ERBB4: variants seen among roughly 807,000 people sequenced by gnomAD.
ERBB4 encodes receptor tyrosine-protein kinase erbB-4.
A neutral mutation model predicts 158.0 loss-of-function variants in ERBB4; 42 were observed. The observed-to-expected ratio is 0.27, with a 90% CI of 0.21 to 0.34. ERBB4 has a LOEUF of 0.34. Among genes scored for constraint, ERBB4 ranks in the 10% least tolerant of loss-of-function variants. The pLI is 1.00. For synonymous variants in ERBB4, 583 were observed against 558.7 expected (o/e 1.04, Z -0.61); for missense variants, 1,333 against 1,624.1 (o/e 0.82, Z 3.08).
chr2:212,246,585 A>G (rs1036101952), intron 1 of ERBB4, among the ~76,000 whole-genome samples: 2 of 152,198 alleles, frequency 1.3e-5, no homozygotes, highest in Admixed American at 6.5e-5. Flanking sequence ...AGTTAGAAAG[A>G]GATGTCATGA....
intron 1 of ERBB4, among the ~76,000 whole-genome samples, chr2:212,189,400 T>C (rs1218159110): frequency 6.6e-6 from 1 of 152,210 alleles, no homozygotes; most frequent in Admixed American, 6.5e-5. Context: ...ATTCCTGGTG[T>C]CATTTTATTT....
intron 4 of ERBB4, among the ~76,000 whole-genome samples, chr2:211,781,109 A>T (rs2076025082): frequency 6.6e-6 from 1 of 152,160 alleles, no homozygotes; most frequent in Admixed American, 6.5e-5. Flanking sequence ...CATCTATTTT[A>T]CCTAAATATT....
rs559595147 is a variant in ERBB4 at position 212,185,043 on chromosome 2, CAG to C, written c.83-60142_83-60141del. ...TTTCTTTTTTTTTTTTCTTTTGAGACAGAGTCTCACTCTGTTGCCCAGGCTGG... is the reference window on the plus strand; with the variant it reads ...TTTCTTTTTTTTTTTTCTTTTGAGACAGTCTCACTCTGTTGCCCAGGCTGG... On this transcript the variant is annotated intron_variant, in intron 1 of 27. Transcript: ENST00000342788. Among the ~76,000 whole-genome samples, 38 of 93,124 alleles carry C rather than the reference CAG, an allele frequency of 4.1e-4. No individual in the cohort carries two copies. In the South Asian group the frequency reaches 8.9e-3, roughly 22 times the overall value. 61.1% of individuals were successfully genotyped at this position (93,124 alleles called of 152,430 possible). A position where few individuals can be genotyped will look rare whatever the true frequency, so the allele number is the denominator to read the frequency against.
intron 20 of ERBB4, among the ~76,000 whole-genome samples, chr2:211,523,325 T>C (rs765198415): frequency 2.7e-5 from 4 of 149,662 alleles, no homozygotes; most frequent in East Asian, 2.0e-4. Flanking sequence ...TAGAAATCTA[T>C]GTGCTTGGGA....
At chr2:211,930,773 T>C (rs1187125028) in intron 3 of ERBB4, among the ~76,000 whole-genome samples, 1 of 152,166 alleles carries the variant, frequency 6.6e-6, no homozygotes, top group Non-Finnish European at 1.5e-5. Flanking sequence ...GTTATCAAAA[T>C]ATTCTTAATG....
At chr2:211,932,973 C>A (rs149885677) in intron 3 of ERBB4, among the ~76,000 whole-genome samples, 5,328 of 151,926 alleles carry the variant, frequency 0.035, 128 homozygotes, top group Middle Eastern at 0.088. Flanking sequence ...ATACATAAAA[C>A]GATTGAATAG....
chr2:211,674,304 A>C (rs1345460245), intron 13 of ERBB4, among the ~76,000 whole-genome samples: 4 of 152,156 alleles, frequency 2.6e-5, no homozygotes, highest in Non-Finnish European at 5.9e-5. Flanking sequence ...TAAGTGATAC[A>C]TTAAAATATA....
chr2:212,010,361 G>T (rs180690244), intron 2 of ERBB4, among the ~76,000 whole-genome samples: 21 of 152,192 alleles, frequency 1.4e-4, no homozygotes, highest in African/African-American at 4.6e-4. Flanking sequence ...CAAGAGTATT[G>T]TAATTATTAT....
chr2:211,558,813 T>C (rs1016692752), intron 20 of ERBB4, among the ~76,000 whole-genome samples: 2 of 152,156 alleles, frequency 1.3e-5, no homozygotes, highest in Non-Finnish European at 2.9e-5. Flanking sequence ...TAGATTTTGT[T>C]ATTTTCTTGG....
intron 1 of ERBB4, among the ~76,000 whole-genome samples, chr2:212,341,035 CATGT>C (rs2088685034): frequency 6.6e-6 from 1 of 151,978 alleles, no homozygotes; most frequent in Non-Finnish European, 1.5e-5. Flanking sequence ...ACTATGGCTC[CATGT>C]GTGTTATTTA....
chr2:211,550,580 T>TATATATATATATATATAA (rs1446012861), intron 20 of ERBB4, among the ~76,000 whole-genome samples: 1 of 145,812 alleles, frequency 6.9e-6, no homozygotes, highest in Non-Finnish European at 1.5e-5. Flanking sequence ...TTAGAATATA[T>TATATATATATATATATAA]ATATATATAT....
chr2:211,618,049 T>C (rs2069459814), intron 19 of ERBB4, among the ~76,000 whole-genome samples: 1 of 152,074 alleles, frequency 6.6e-6, no homozygotes, highest in African/African-American at 2.4e-5. Context: ...ATCTTCAAGT[T>C]CTGATTGACC....
intron 20 of ERBB4, among the ~76,000 whole-genome samples, chr2:211,541,751 A>C (rs2066815532): frequency 6.6e-6 from 1 of 152,014 alleles, no homozygotes; most frequent in Non-Finnish European, 1.5e-5. Context: ...ACATTTCATC[A>C]GTGCTATCAT....
intron 1 of ERBB4, among the ~76,000 whole-genome samples, chr2:212,381,751 T>C (rs1255604808): frequency 6.6e-6 from 1 of 151,378 alleles, no homozygotes; most frequent in Non-Finnish European, 1.5e-5. Flanking sequence ...AATAAATTTA[T>C]TCATAAATGC....
At position 212,321,754 on chromosome 2, in the gene ERBB4, T is replaced by C. The variant is rs762540468; in HGVS notation, c.83-196851A>G. 8.0e-5 allele frequency among the ~76,000 whole-genome samples: 12 copies of C among 150,170 alleles called. 1 individual carries two copies. Among genetic ancestry groups the C allele is most frequent in the Non-Finnish European group, 1.5e-4 (10 of 66,950 alleles). On this transcript the variant is annotated intron_variant, in intron 1 of 27. Transcript: ENST00000342788. ...CCTGTATCTTTGCTAATAGCTAGAC[T>C]TAAATTTGAGAATCTTTGAAGTACA...
At chr2:212,248,184 G>T (rs531631103) in intron 1 of ERBB4, among the ~76,000 whole-genome samples, 59 of 152,024 alleles carry the variant, frequency 3.9e-4, no homozygotes, top group Non-Finnish European at 7.9e-4. Flanking sequence ...TTTAATGAAA[G>T]AAATATGTGT....
Position 212,033,445 on chromosome 2 carries a change from T to C in ERBB4, c.235-85829A>G, listed in dbSNP as rs1234248169. On this transcript the variant is annotated intron_variant, in intron 2 of 27. Coordinates refer to ENST00000342788, the MANE Select transcript of ERBB4 (RefSeq NM_005235.3). Reference sequence around the variant, plus strand: ...GATAAACAATTAAGAACCAAATTCCTTATATATTTTGCAAAGAGCCTAAAT... The same window carrying C: ...GATAAACAATTAAGAACCAAATTCCCTATATATTTTGCAAAGAGCCTAAAT... 2.6e-5 allele frequency among the ~76,000 whole-genome samples: 4 copies of C among 151,836 alleles called. No individual in the cohort carries two copies. In the East Asian group the frequency reaches 7.7e-4, roughly 29 times the overall value.
intron 1 of ERBB4, among the ~76,000 whole-genome samples, chr2:212,392,823 T>C (rs1025383669): frequency 2.0e-5 from 3 of 152,080 alleles, no homozygotes; most frequent in Admixed American, 6.6e-5. Context: ...GCAGAGATTA[T>C]ATTCTCTGCT....
intron 1 of ERBB4, among the ~76,000 whole-genome samples, chr2:212,389,825 C>CA (rs2090796696): frequency 6.6e-6 from 1 of 151,668 alleles, no homozygotes; most frequent in Admixed American, 6.6e-5. Flanking sequence ...CTTTCAAAAA[C>CA]ATACAACAAA....
Sources: allele counts gnomAD v4.1 joint callset (sites outside exome capture counted in the v4.1 genomes callset), GRCh38; gene constraint gnomAD v4.1.1; transcripts MANE v1.5; gene names NCBI Gene and HGNC (gene_info 2026-07-23, HGNC 2026-07-21).